PTPRE: variants seen among roughly 807,000 people sequenced by gnomAD.
PTPRE encodes receptor-type tyrosine-protein phosphatase epsilon.
In PTPRE, 51 loss-of-function variants were observed where a neutral mutation model predicts 102.0. The observed-to-expected ratio is 0.50, with a 90% CI of 0.40 to 0.63. PTPRE has a LOEUF of 0.63. Ranked by LOEUF, PTPRE falls within the 30% of genes least tolerant of loss-of-function variation. PTPRE has a pLI of 0.00. For synonymous variants in PTPRE, 345 were observed against 348.2 expected (o/e 0.99, Z 0.10); for missense variants, 752 against 915.1 (o/e 0.82, Z 2.30).
rs1215100687 is a variant in PTPRE, at chr10:128,084,610, C to T, written c.*1704C>T. On this transcript the variant is annotated 3_prime_UTR_variant, in exon 21 of 21. Coordinates refer to ENST00000254667, the MANE Select transcript of PTPRE (RefSeq NM_006504.6). ...CACACTGCTGAACGTGCTCCTCTCTCCTTCTCTGTACAATGATTCAGCATC... is the reference window on the plus strand; with the variant it reads ...CACACTGCTGAACGTGCTCCTCTCTTCTTCTCTGTACAATGATTCAGCATC... 24 of 152,820 alleles carry T rather than the reference C, an allele frequency of 1.6e-4. No homozygotes were observed. The highest frequency in any genetic ancestry group is 1.6e-3 in the Admixed American group (24 of 15,352). The allele number at this position is 152,820 out of a possible 1,614,324, so 9.5% of individuals were successfully genotyped here.
chr10:127,907,320 G>T lies in PTPRE; in HGVS notation c.-31+11G>T, dbSNP rs1398486854. On this transcript the variant is annotated intron_variant, in intron 1 of 20. Coordinates refer to ENST00000254667, the MANE Select transcript of PTPRE (RefSeq NM_006504.6). The surrounding 1 kb of genome is among the most constrained non-coding windows in gnomAD (Gnocchi z 4.8). ...ACCGGCCCCCCCGAGGTGAGCGCGC[G>T]TGCGGACAGGGACCCTGCGCCCCTG... 1 of 984,740 alleles carries T rather than the reference G, an allele frequency of 1.0e-6. No homozygotes were observed. Among genetic ancestry groups the T allele is most frequent in the Non-Finnish European group, 1.2e-6 (1 of 829,710 alleles). The allele number at this position is 984,740 out of a possible 1,614,324, so 61.0% of individuals were successfully genotyped here.
intron 2 of PTPRE, among the ~76,000 whole-genome samples, chr10:128,034,354 CTT>C (rs1368328727): frequency 6.7e-6 from 1 of 149,870 alleles, no homozygotes; most frequent in African/African-American, 2.5e-5. Context: ...ACACAGAACT[CTT>C]GGCTTTTGAA....
intron 2 of PTPRE, among the ~76,000 whole-genome samples, chr10:127,984,345 C>A (rs143189897): frequency 6.6e-6 from 1 of 151,994 alleles, no homozygotes; most frequent in Non-Finnish European, 1.5e-5. Flanking sequence ...CCTCCCACAG[C>A]GCTGGGATTA....
chr10:127,912,883 A>G (rs1845957649), intron 1 of PTPRE, among the ~76,000 whole-genome samples: 1 of 152,250 alleles, frequency 6.6e-6, no homozygotes, highest in Non-Finnish European at 1.5e-5. Context: ...GCAGTGGAGG[A>G]GGCCAAGTGG....
intron 1 of PTPRE, chr10:127,964,866 A>G (rs73376190): frequency 0.017 from 6,180 of 373,302 alleles, 366 homozygotes; most frequent in African/African-American, 0.12. Flanking sequence ...TCAGAAGCCG[A>G]GCTCATCAGC....
intron 2 of PTPRE, among the ~76,000 whole-genome samples, chr10:128,010,711 C>G (rs914093671): frequency 6.6e-6 from 1 of 152,148 alleles, no homozygotes; most frequent in Non-Finnish European, 1.5e-5. Context: ...CCTGCCTCAG[C>G]CTCCTGAGTA....
chr10:127,944,924 G>A lies in PTPRE; in HGVS notation c.-30-37350G>A, dbSNP rs572220946. On this transcript the variant is annotated intron_variant, in intron 1 of 20. Transcript: ENST00000254667. The surrounding 1 kb of genome is among the most constrained non-coding windows in gnomAD (Gnocchi z 4.2). ...TTAGATGTGTGGGGAAAAAGAGGGC[G>A]GCATCTAGAGTGACCCCCAGTGGGC... is the stretch of plus-strand genomic sequence containing the variant. Among the ~76,000 whole-genome samples, 35 of 152,300 alleles carry A rather than the reference G, an allele frequency of 2.3e-4. No individual in the cohort carries two copies. The highest frequency in any genetic ancestry group is 4.8e-4 in the African/African-American group (20 of 41,560).
Position 127,974,096 on chromosome 10 carries a change from G to A in PTPRE, c.-30-8178G>A, listed in dbSNP as rs150173902. On this transcript the variant is annotated intron_variant, in intron 1 of 20. Transcript: ENST00000254667. Reference sequence around the variant, plus strand: ...ACTTTGCAGAGAGCAGAATGGGAATGCCCAGGCTTGCAGACTTCTGCAGCC... The same window carrying A: ...ACTTTGCAGAGAGCAGAATGGGAATACCCAGGCTTGCAGACTTCTGCAGCC... Among the ~76,000 whole-genome samples, 5 of 152,330 alleles carry A rather than the reference G, an allele frequency of 3.3e-5. No individual in the cohort carries two copies. The East Asian group carries it at 9.7e-4, about 29-fold the overall frequency.
chr10:127,983,342 G>A (rs1047119274), intron 2 of PTPRE, among the ~76,000 whole-genome samples: 1 of 152,142 alleles, frequency 6.6e-6, no homozygotes, highest in African/African-American at 2.4e-5. Flanking sequence ...AGTTAATTTT[G>A]TTGTCTATGT....
chr10:128,002,379 AG>A (rs1275828979), intron 2 of PTPRE, among the ~76,000 whole-genome samples: 1 of 152,008 alleles, frequency 6.6e-6, no homozygotes, highest in African/African-American at 2.4e-5. Context: ...CTGCCTAGGG[AG>A]GGGGCAGGGA....
At chr10:128,069,489 C>A (rs143477668) in intron 12 of PTPRE, 15 of 623,842 alleles carry the variant, frequency 2.4e-5, no homozygotes, top group African/African-American at 3.7e-5. Flanking sequence ...AGTAGAGTGT[C>A]GGTGGCTATC....
chr10:127,916,397 G>T (rs368536821), intron 1 of PTPRE, among the ~76,000 whole-genome samples: 1 of 152,168 alleles, frequency 6.6e-6, no homozygotes, highest in Non-Finnish European at 1.5e-5. Flanking sequence ...TGTGAAGAAG[G>T]TGCCTTGCTT....
intron 1 of PTPRE, among the ~76,000 whole-genome samples, chr10:127,910,623 C>T (rs1845803699): frequency 1.3e-5 from 2 of 152,194 alleles, no homozygotes; most frequent in Non-Finnish European, 2.9e-5. Flanking sequence ...AAAATGCAGG[C>T]TTCAGTGTTC....
At chr10:127,937,720 G>A (rs1469266046) in intron 1 of PTPRE, among the ~76,000 whole-genome samples, 1 of 152,158 alleles carries the variant, frequency 6.6e-6, no homozygotes, top group Non-Finnish European at 1.5e-5. Flanking sequence ...TTAGATGGGC[G>A]TGGTGGCACA....
intron 1 of PTPRE, chr10:127,964,905 G>A: frequency 2.3e-6 from 1 of 425,926 alleles, no homozygotes. Context: ...TTCTGCTGCT[G>A]GAAGGTCAGG....
chr10:128,057,732 G>A (rs946834274), intron 7 of PTPRE, among the ~76,000 whole-genome samples: 4 of 152,192 alleles, frequency 2.6e-5, no homozygotes, highest in African/African-American at 7.2e-5. Flanking sequence ...AGGAAGATGG[G>A]TCAGGAGGTC....
At chr10:128,021,809 T>C (rs116251518) in intron 2 of PTPRE, among the ~76,000 whole-genome samples, 2,680 of 152,330 alleles carry the variant, frequency 0.018, 83 homozygotes, top group African/African-American at 0.061. Context: ...CTTGCAGTTC[T>C]AAGTTTCTTG....
At chr10:128,044,432 T>A (rs1847934336) in intron 3 of PTPRE, among the ~76,000 whole-genome samples, 1 of 152,196 alleles carries the variant, frequency 6.6e-6, no homozygotes, top group Non-Finnish European at 1.5e-5. Context: ...GAGCTCAGGA[T>A]CAGCTTCCTG....
At chr10:127,990,320 G>A (rs1203966652) in intron 2 of PTPRE, among the ~76,000 whole-genome samples, 2 of 148,662 alleles carry the variant, frequency 1.3e-5, no homozygotes, top group East Asian at 4.0e-4. Context: ...GCAGAGGCAG[G>A]AGAATCACTT....
Sources: gnomAD v4.1 joint callset for allele counts (sites outside exome capture counted in the v4.1 genomes callset) on GRCh38, gnomAD v4.1.1 for gene constraint, Gnocchi (gnomAD v3.1) non-coding constraint, MANE v1.5 for transcripts, NCBI Gene and HGNC (gene_info 2026-07-23, HGNC 2026-07-21) for gene names.